RIMBP2: variants seen among roughly 807,000 people sequenced by gnomAD.
The protein encoded by RIMBP2 is RIMS binding protein 2.
In RIMBP2, 48 loss-of-function variants were observed where a neutral mutation model predicts 118.6. The ratio of observed to expected loss-of-function variants is 0.40; its 90% CI spans 0.32 to 0.51. RIMBP2 has a LOEUF of 0.51. Among genes scored for constraint, RIMBP2 ranks in the 20% least tolerant of loss-of-function variants. RIMBP2 has a pLI of 0.41. For synonymous variants in RIMBP2, 762 were observed against 742.9 expected, an observed-to-expected ratio of 1.03 and a Z score of -0.42; for missense variants, 1,551 against 1,768.3, an observed-to-expected ratio of 0.88 and a Z score of 2.20.
intron 2 of RIMBP2, among the ~76,000 whole-genome samples, chr12:130,543,020 T>C (rs976718215): frequency 6.6e-6 from 1 of 152,174 alleles, no homozygotes; most frequent in Non-Finnish European, 1.5e-5. Flanking sequence ...GCTGATTCCA[T>C]TTGCCCTTCC....
intron 2 of RIMBP2, among the ~76,000 whole-genome samples, chr12:130,532,878 C>T (rs1195584991): frequency 6.7e-6 from 1 of 149,422 alleles, no homozygotes; most frequent in African/African-American, 2.5e-5. Flanking sequence ...TAATGAGATG[C>T]GTATGTTTAG....
At chr12:130,678,675 G>A (rs2064623924) in intron 1 of RIMBP2, among the ~76,000 whole-genome samples, 1 of 152,138 alleles carries the variant, frequency 6.6e-6, no homozygotes, top group Admixed American at 6.5e-5. Context: ...GCGCCACCAT[G>A]CCCAGCTAAT....
rs2074131057 is a variant in RIMBP2 at position 130,397,202 on chromosome 12, C to T, written c.*159G>A. 1.1e-5 allele frequency: 4 copies of T among 379,592 alleles called. No homozygotes were observed. Among genetic ancestry groups the T allele is most frequent in the Admixed American group, 9.1e-5 (2 of 22,058 alleles). 23.5% of individuals were successfully genotyped at this position (379,592 alleles called of 1,614,324 possible). On this transcript the variant is annotated 3_prime_UTR_variant, in exon 23 of 23. Transcript: ENST00000690449. ...GAGAGCAACCGCTCCTCTTTGTTCT[C>T]GTGGTTGGTTTAAAGTGGTTGGTAG...
chr12:130,659,463 G>A (rs1002893722), intron 1 of RIMBP2, among the ~76,000 whole-genome samples: 5 of 36,802 alleles, frequency 1.4e-4, no homozygotes, highest in Non-Finnish European at 4.0e-4. Flanking sequence ...CCAGCTACTC[G>A]GAGGCTGAGG....
chr12:130,632,185 A>G (rs2062032963), intron 1 of RIMBP2, among the ~76,000 whole-genome samples: 1 of 152,194 alleles, frequency 6.6e-6, no homozygotes, highest in Non-Finnish European at 1.5e-5. Flanking sequence ...ATCAAGGCAG[A>G]CACCTCCAGT....
chr12:130,422,223 A>G lies in RIMBP2; in HGVS notation c.3238+230T>C, dbSNP rs2076460875. On this transcript the variant is annotated intron_variant, in intron 17 of 22. Coordinates refer to ENST00000690449, the MANE Select transcript of RIMBP2 (RefSeq NM_001393629.1). The surrounding 1 kb of genome is among the most constrained non-coding windows in gnomAD (Gnocchi z 5.2). ...GCTTACCCTGTGAAGCTCTCCAGGA[A>G]AAAATCAGCTGGGAGAACATGGATG... 6.6e-6 allele frequency among the ~76,000 whole-genome samples: 1 copy of G among 152,190 alleles called. No individual in the cohort carries two copies. The highest frequency in any genetic ancestry group is 6.5e-5 in the Admixed American group (1 of 15,278).
intron 1 of RIMBP2, among the ~76,000 whole-genome samples, chr12:130,650,963 A>T (rs1333109429): frequency 1.0e-4 from 15 of 148,226 alleles, no homozygotes; most frequent in African/African-American, 3.7e-4. Context: ...TTTTTTAAAA[A>T]AAAAAAAAAA....
intron 2 of RIMBP2, among the ~76,000 whole-genome samples, chr12:130,555,972 A>G (rs1453129133): frequency 6.6e-6 from 1 of 152,176 alleles, no homozygotes; most frequent in East Asian, 1.9e-4. Flanking sequence ...ACCCGACAGG[A>G]ACATCATGGT....
At position 130,424,913 on chromosome 12, in the gene RIMBP2, A is replaced by G; in HGVS notation, c.2413-55T>C. On this transcript the variant is annotated intron_variant, in intron 15 of 22. Transcript: ENST00000690449. This position sits in a 1 kb window ranked among gnomAD's most constrained non-coding sequence, Gnocchi z 9.8. Reference sequence around the variant, plus strand: ...CGGGAAAGAGTGTGTGGTCAGCATGAAGTGGGGGCCAGGGGAGGAAAGAAA... The same window carrying G: ...CGGGAAAGAGTGTGTGGTCAGCATGGAGTGGGGGCCAGGGGAGGAAAGAAA... The G allele has an allele frequency of 9.4e-7, 1 of 1,068,166 alleles. No individual in the cohort carries two copies. Among genetic ancestry groups the G allele is most frequent in the Non-Finnish European group, 1.2e-6 (1 of 838,590 alleles). 66.2% of individuals were successfully genotyped at this position (1,068,166 alleles called of 1,614,324 possible). A position where few individuals can be genotyped will look rare whatever the true frequency, so the allele number is the denominator to read the frequency against.
Position 130,456,364 on chromosome 12 carries a change from C to T in RIMBP2, c.358+132G>A, listed in dbSNP as rs969654560. 5.6e-6 allele frequency: 4 copies of T among 717,522 alleles called. No homozygotes were observed. The African/African-American group carries it at 7.1e-5, about 13-fold the overall frequency. 44.4% of individuals were successfully genotyped at this position (717,522 alleles called of 1,614,324 possible). ...TGTGAGCAGCCCTGTTCTCATCCTT[C>T]CCATTGCAGTGGCGGGTCCCTGTAC... On this transcript the variant is annotated intron_variant, in intron 7 of 22. Coordinates refer to ENST00000690449, the MANE Select transcript of RIMBP2 (RefSeq NM_001393629.1).
intron 2 of RIMBP2, among the ~76,000 whole-genome samples, chr12:130,603,629 T>C (rs1297243065): frequency 6.6e-6 from 1 of 152,162 alleles, no homozygotes; most frequent in Non-Finnish European, 1.5e-5. Flanking sequence ...TGAGGAACAA[T>C]GTTTCCGTCA....
chr12:130,464,050 G>A lies in RIMBP2; in HGVS notation c.153+6643C>T, dbSNP rs144896011. Among the ~76,000 whole-genome samples, 6 of 152,312 alleles carry A rather than the reference G, an allele frequency of 3.9e-5. No individual in the cohort carries two copies. In the East Asian group the frequency reaches 9.6e-4, roughly 24 times the overall value. ...TTCCCCTACATGGCTTGAAAAGGGTGGAGCCCTCAGTTCCGGGAACTGCCC... is the reference window on the plus strand; with the variant it reads ...TTCCCCTACATGGCTTGAAAAGGGTAGAGCCCTCAGTTCCGGGAACTGCCC... On this transcript the variant is annotated intron_variant, in intron 6 of 22. Transcript: ENST00000690449.
intron 6 of RIMBP2, among the ~76,000 whole-genome samples, chr12:130,460,444 TAACAGCAGTGGTAGC>T (rs1394208589): frequency 1.1e-4 from 17 of 152,180 alleles, no homozygotes; most frequent in Non-Finnish European, 4.4e-5. Context: ...ATTAGAGCAT[TAACAGCAGTGGTAGC>T]AATAGCAGTG....
intron 2 of RIMBP2, among the ~76,000 whole-genome samples, chr12:130,602,946 T>C (rs2059959421): frequency 6.6e-6 from 1 of 152,160 alleles, no homozygotes; most frequent in Non-Finnish European, 1.5e-5. Flanking sequence ...GAGAAGAACA[T>C]ATTTCTCATT....
At chr12:130,588,061 C>T (rs1179056734) in intron 2 of RIMBP2, among the ~76,000 whole-genome samples, 1 of 152,066 alleles carries the variant, frequency 6.6e-6, no homozygotes, top group Non-Finnish European at 1.5e-5. Flanking sequence ...CATTCCTGCT[C>T]CTGAGCCTTG....
intron 2 of RIMBP2, among the ~76,000 whole-genome samples, chr12:130,561,548 G>T (rs1482906279): frequency 6.6e-6 from 1 of 152,016 alleles, no homozygotes; most frequent in Non-Finnish European, 1.5e-5. Flanking sequence ...GAGAACCCTG[G>T]GTAGAGGGAC....
rs568463995 is a variant in RIMBP2 at position 130,608,901 on chromosome 12, A to C, written c.-217+19421T>G. Among the ~76,000 whole-genome samples, 23 of 152,102 alleles carry C rather than the reference A, an allele frequency of 1.5e-4. No homozygotes were observed. The East Asian group carries it at 3.9e-3, about 26-fold the overall frequency. On this transcript the variant is annotated intron_variant, in intron 2 of 22. Coordinates refer to ENST00000690449, the MANE Select transcript of RIMBP2 (RefSeq NM_001393629.1). Reference sequence around the variant, plus strand: ...AAATGCACCCTCCTGTCTAACTGTAATTACACGTCCTTTAACCAGCATCTC... The same window carrying C: ...AAATGCACCCTCCTGTCTAACTGTACTTACACGTCCTTTAACCAGCATCTC...
At chr12:130,510,894 CA>C (rs2050846574) in intron 3 of RIMBP2, among the ~76,000 whole-genome samples, 1 of 152,012 alleles carries the variant, frequency 6.6e-6, no homozygotes, top group African/African-American at 2.4e-5. Flanking sequence ...CTCTGGTTCG[CA>C]ACAAGGAGGA....
At position 130,525,424 on chromosome 12, in the gene RIMBP2, G is replaced by A. The variant is rs1010228119; in HGVS notation, c.-216-7507C>T. On this transcript the variant is annotated intron_variant, in intron 2 of 22. Transcript: ENST00000690449. This position sits in a 1 kb window ranked among gnomAD's most constrained non-coding sequence, Gnocchi z 4.4. ...AGAGTGCTGGGTGAGAAGAGGCGCA[G>A]AGAGACAAGGTCATGCTTAGAGCCT... 6.6e-6 allele frequency among the ~76,000 whole-genome samples: 1 copy of A among 152,170 alleles called. No individual in the cohort carries two copies. Among genetic ancestry groups the A allele is most frequent in the African/African-American group, 2.4e-5 (1 of 41,414 alleles).
Sources: allele counts gnomAD v4.1 joint callset (sites outside exome capture counted in the v4.1 genomes callset), GRCh38; gene constraint gnomAD v4.1.1; non-coding constraint Gnocchi (gnomAD v3.1); transcripts MANE v1.5; gene names NCBI Gene and HGNC (gene_info 2026-07-23, HGNC 2026-07-21).